Variants in FAM135B observed in about 807,000 individuals in gnomAD.
The protein encoded by FAM135B is protein FAM135B.
Under a neutral mutation model 127.7 loss-of-function variants are expected in FAM135B, and 43 were observed. That is an observed-to-expected ratio of 0.34 (90% CI 0.26 to 0.43). The LOEUF (loss-of-function observed/expected upper bound fraction) is 0.43. Among genes scored for constraint, FAM135B ranks in the 20% least tolerant of loss-of-function variants. The pLI is 1.00. For missense variants in FAM135B, 1,558 were observed against 1,725.6 expected, an observed-to-expected ratio of 0.90 and a Z score of 1.72; for synonymous variants, 670 against 665.1, an observed-to-expected ratio of 1.01 and a Z score of -0.11.
intron 3 of FAM135B, among the ~76,000 whole-genome samples, chr8:138,298,345 G>C (rs191283023): frequency 6.6e-6 from 1 of 152,254 alleles, no homozygotes; most frequent in East Asian, 1.9e-4. Context: ...AAGTGAAACA[G>C]ACAATCTATT....
intron 1 of FAM135B, among the ~76,000 whole-genome samples, chr8:138,452,668 C>T (rs1184859369): frequency 6.7e-6 from 1 of 149,490 alleles, no homozygotes; most frequent in Non-Finnish European, 1.5e-5. Flanking sequence ...TTTGTGGACA[C>T]GGGATTCAGA....
intron 7 of FAM135B, among the ~76,000 whole-genome samples, chr8:138,202,770 G>A (rs954012225): frequency 8.5e-6 from 1 of 118,110 alleles, no homozygotes; most frequent in African/African-American, 3.4e-5. Flanking sequence ...TTGCTTACAC[G>A]CTCATTGATG....
intron 1 of FAM135B, among the ~76,000 whole-genome samples, chr8:138,426,418 T>A (rs954671903): frequency 2.0e-5 from 3 of 151,614 alleles, no homozygotes; most frequent in Non-Finnish European, 4.4e-5. Flanking sequence ...TATTTAGCAA[T>A]ATCTACTAAA....
chr8:138,354,502 G>A (rs555925714), intron 2 of FAM135B, among the ~76,000 whole-genome samples: 1 of 152,208 alleles, frequency 6.6e-6, no homozygotes, highest in East Asian at 1.9e-4. Context: ...CCTCCTGGGT[G>A]GGCGTTTTGG....
At chr8:138,281,098 G>T (rs1160742189) in intron 3 of FAM135B, among the ~76,000 whole-genome samples, 1 of 151,828 alleles carries the variant, frequency 6.6e-6, no homozygotes, top group Non-Finnish European at 1.5e-5. Flanking sequence ...GATTTTAGGT[G>T]GAAAAAAAAC....
intron 13 of FAM135B, 115 bp from the exon 14 acceptor site, chr8:138,148,801 T>C: frequency 1.5e-6 from 1 of 676,342 alleles, no homozygotes; most frequent in Non-Finnish European, 2.4e-6. Flanking sequence ...GCCTGCTGAG[T>C]GGCAAAGCTG....
At chr8:138,385,667 C>T (rs112656748) in intron 1 of FAM135B, among the ~76,000 whole-genome samples, 9 of 151,994 alleles carry the variant, frequency 5.9e-5, no homozygotes, top group African/African-American at 1.9e-4. Context: ...CAAAAATTAG[C>T]CAGGCATGGT....
intron 4 of FAM135B, among the ~76,000 whole-genome samples, chr8:138,260,874 T>C (rs1410650135): frequency 6.6e-6 from 1 of 152,068 alleles, no homozygotes; most frequent in African/African-American, 2.4e-5. Flanking sequence ...CTCCTACCTT[T>C]AAAAAGGAAA....
At chr8:138,437,608 T>A (rs572764353) in intron 1 of FAM135B, 1 of 152,330 alleles carries the variant, frequency 6.6e-6, no homozygotes, top group Admixed American at 6.5e-5. Context: ...TCTCAGGCAG[T>A]TCTTCATAGC....
chr8:138,481,360 A>G (rs1814771828), intron 1 of FAM135B, among the ~76,000 whole-genome samples: 1 of 152,246 alleles, frequency 6.6e-6, no homozygotes, highest in African/African-American at 2.4e-5. Context: ...AGGTTTTGCA[A>G]ATCAGAGCTA....
At chr8:138,333,398 G>A (rs1828328240) in intron 2 of FAM135B, among the ~76,000 whole-genome samples, 1 of 152,098 alleles carries the variant, frequency 6.6e-6, no homozygotes, top group African/African-American at 2.4e-5. Context: ...TTGCTGGTGT[G>A]CAAATGCATC....
intron 3 of FAM135B, among the ~76,000 whole-genome samples, chr8:138,293,136 AT>A (rs1825239985): frequency 6.6e-6 from 1 of 152,176 alleles, no homozygotes; most frequent in Non-Finnish European, 1.5e-5. Flanking sequence ...CCTACAAAAA[AT>A]AAATTGGGGA....
At chr8:138,240,735 G>A (rs1366671355) in intron 7 of FAM135B, among the ~76,000 whole-genome samples, 1 of 152,112 alleles carries the variant, frequency 6.6e-6, no homozygotes, top group Non-Finnish European at 1.5e-5. Flanking sequence ...TATTAGTGGT[G>A]GCACCTGACA....
intron 7 of FAM135B, among the ~76,000 whole-genome samples, chr8:138,204,907 C>A (rs1163804652): frequency 6.6e-6 from 1 of 152,084 alleles, no homozygotes; most frequent in Non-Finnish European, 1.5e-5. Flanking sequence ...GAATTGGCTT[C>A]TAATATTCCA....
In FAM135B at chr8:138,152,235, A is replaced by G. The variant is rs767068428; in HGVS notation, c.2240T>C (p.Leu747Pro). ...AAAAGGTAAAGAGCTAATGGAGGTGAGAGAAGCCTGGATGCCGCTTGGCAA... is the reference window on the plus strand; with the variant it reads ...AAAAGGTAAAGAGCTAATGGAGGTGGGAGAAGCCTGGATGCCGCTTGGCAA... ...TSLPSGIQAS[L>P]TSISSLPFEE... Residue 747 changes from leucine (L) to proline (P), a missense_variant, in exon 13 of 20, where the codon CTC becomes CCC. Physicochemically the swap from Leu to Pro is moderately conservative, Grantham distance 98 (BLOSUM62 -3). Transcript: ENST00000395297. 6.2e-7 allele frequency: 1 copy of G among 1,614,126 alleles called. No individual in the cohort carries two copies. Among genetic ancestry groups the G allele is most frequent in the Non-Finnish European group, 8.5e-7 (1 of 1,180,032 alleles).
At chr8:138,454,291 G>T (rs1203954042) in intron 1 of FAM135B, among the ~76,000 whole-genome samples, 1 of 152,134 alleles carries the variant, frequency 6.6e-6, no homozygotes, top group Non-Finnish European at 1.5e-5. Context: ...ACGTGAAGTG[G>T]ATGACTGGAA....
At chr8:138,203,889 T>C (rs1042195306) in intron 7 of FAM135B, among the ~76,000 whole-genome samples, 1 of 152,164 alleles carries the variant, frequency 6.6e-6, no homozygotes, top group African/African-American at 2.4e-5. Context: ...TGACAGATCA[T>C]CAGGTATTAG....
Position 138,182,089 on chromosome 8 carries a change from C to T in FAM135B, c.874-3399G>A, listed in dbSNP as rs142446197. On this transcript the variant is annotated intron_variant, in intron 9 of 19. Coordinates refer to ENST00000395297, the MANE Select transcript of FAM135B (RefSeq NM_015912.4). ...CCTCACTCACAGCACCACTACCACG[C>T]TGCCACCACAGTGGCACCGGCAAAC... is the stretch of plus-strand genomic sequence containing the variant. Among the ~76,000 whole-genome samples, 902 of 152,360 alleles carry T rather than the reference C, an allele frequency of 5.9e-3. 18 individuals are homozygous for T. Among genetic ancestry groups the T allele is most frequent in the Admixed American group, 0.04 (608 of 15,302 alleles).
chr8:138,301,102 C>G (rs1467307117), intron 3 of FAM135B, among the ~76,000 whole-genome samples: 1 of 151,708 alleles, frequency 6.6e-6, no homozygotes, highest in African/African-American at 2.4e-5. Flanking sequence ...GATCAAGAAA[C>G]TGACCTTAGC....
Sources: gnomAD v4.1 joint callset for allele counts (sites outside exome capture counted in the v4.1 genomes callset) on GRCh38, gnomAD v4.1.1 for gene constraint, MANE v1.5 for transcripts, NCBI Gene and HGNC (gene_info 2026-07-23, HGNC 2026-07-21) for gene names.